Variants in CMTR1 observed in about 807,000 individuals in gnomAD.
CMTR1 encodes cap-specific mRNA (nucleoside-2'-O-)-methyltransferase 1.
In CMTR1, 39 loss-of-function variants were observed where a neutral mutation model predicts 107.0. The observed-to-expected ratio is 0.36, with a 90% CI of 0.28 to 0.48. CMTR1 has a LOEUF of 0.48. Ranked by LOEUF, CMTR1 falls within the 20% of genes least tolerant of loss-of-function variation. CMTR1 has a pLI of 0.99. For synonymous variants in CMTR1, 366 were observed against 379.5 expected (o/e 0.96, Z 0.41); for missense variants, 672 against 1,064.9 (o/e 0.63, Z 5.14).
chr6:37,471,812 G>C, intron 14 of CMTR1, 35 bp from the exon 15 acceptor site: 4 of 1,610,732 alleles, frequency 2.5e-6, no homozygotes, highest in Non-Finnish European at 3.4e-6. Context: ...GTGCCTCTTA[G>C]AGATTTTAAT....
intron 2 of CMTR1, among the ~76,000 whole-genome samples, chr6:37,438,242 T>C (rs1771584828): frequency 6.6e-6 from 1 of 152,164 alleles, no homozygotes; most frequent in South Asian, 2.1e-4. Context: ...TAGCTGGGCA[T>C]GGTGGCATGC....
intron 2 of CMTR1, 135 bp from the exon 3 acceptor site, chr6:37,443,864 T>C: frequency 1.1e-6 from 1 of 943,690 alleles, no homozygotes; most frequent in Non-Finnish European, 1.5e-6. Flanking sequence ...GAAAATAGAT[T>C]TGACCTTGGG....
In CMTR1 at chr6:37,458,626, G is replaced by A; in HGVS notation, c.792G>A (p.Lys264=). The A allele has an allele frequency of 1.2e-6, 2 of 1,613,420 alleles. No individual in the cohort carries two copies. The highest frequency in any genetic ancestry group is 2.2e-5 in the South Asian group (2 of 91,024). The part of the protein sequence containing the change: ...PRDSYGKPLV[K]DREAELLYFA... ...TGCCTTTGCAGAAGCCACTGGTGAA[G>A]GACCGGGAAGCTGAGCTTCTGTACT... The change falls in exon 9 of 24, where the codon AAG becomes AAA. Residue 264 remains lysine, a synonymous_variant. Transcript: ENST00000373451. This position sits in a 1 kb window ranked among gnomAD's most constrained non-coding sequence, Gnocchi z 4.7.
upstream of CMTR1, among the ~76,000 whole-genome samples, chr6:37,429,643 G>A (rs1395113664): frequency 6.6e-6 from 1 of 152,164 alleles, no homozygotes; most frequent in Non-Finnish European, 1.5e-5. Flanking sequence ...CTGACTGAAA[G>A]TTTACCTGCT....
At chr6:37,450,530 A>C (rs1040978309) in intron 5 of CMTR1, among the ~76,000 whole-genome samples, 187 bp downstream of exon 5, 4 of 152,166 alleles carry the variant, frequency 2.6e-5, no homozygotes, top group Admixed American at 1.3e-4. Flanking sequence ...TGGAGATATG[A>C]CAGGGTTTTT....
At position 37,434,042 on chromosome 6, in the gene CMTR1, G is replaced by C. The variant is rs560611973; in HGVS notation, c.-7+665G>C. ...CACTTAAGAATTAAAAGCTTTTAGC[G>C]CTTGCAATGGCTAGAAGCAAGCTCT... On this transcript the variant is annotated intron_variant, in intron 1 of 23. Coordinates refer to ENST00000373451, the MANE Select transcript of CMTR1 (RefSeq NM_015050.3). 6.8e-4 allele frequency among the ~76,000 whole-genome samples: 104 copies of C among 152,262 alleles called. 1 individual carries two copies. In the South Asian group the frequency reaches 0.016, roughly 24 times the overall value.
intron 1 of CMTR1, among the ~76,000 whole-genome samples, chr6:37,435,051 T>C (rs1196897352): frequency 6.6e-6 from 1 of 152,224 alleles, no homozygotes; most frequent in Non-Finnish European, 1.5e-5. Context: ...ATTTCACTGC[T>C]TCCATTCCCT....
the CMTR1 span, among the ~76,000 whole-genome samples, chr6:37,425,052 A>C: frequency 6.7e-6 from 1 of 149,176 alleles, no homozygotes; most frequent in East Asian, 2.0e-4. Flanking sequence ...AGGTTCAAGC[A>C]ATTCTCCTGC....
intron 22 of CMTR1, among the ~76,000 whole-genome samples, chr6:37,478,742 G>A (rs1281255533): frequency 6.6e-6 from 1 of 152,154 alleles, no homozygotes; most frequent in Non-Finnish European, 1.5e-5. Flanking sequence ...AGGGAGAGGA[G>A]CTCAACTTGT....
the CMTR1 span, among the ~76,000 whole-genome samples, chr6:37,427,679 C>T: frequency 6.6e-6 from 1 of 152,156 alleles, no homozygotes; most frequent in Non-Finnish European, 1.5e-5. The surrounding 1 kb of genome is among the most constrained non-coding windows in gnomAD (Gnocchi z 4.4). Flanking sequence ...TATTGCTTTT[C>T]CTTCATTCCT....
intron 13 of CMTR1, among the ~76,000 whole-genome samples, chr6:37,464,367 T>A (rs1181147842): frequency 6.6e-6 from 1 of 150,724 alleles, no homozygotes; most frequent in Non-Finnish European, 1.5e-5. Flanking sequence ...CTTGGGAGGC[T>A]GAGGCAGGAG....
intron 13 of CMTR1, among the ~76,000 whole-genome samples, chr6:37,463,645 G>A (rs748599783): frequency 6.6e-6 from 1 of 152,136 alleles, no homozygotes; most frequent in Non-Finnish European, 1.5e-5. Flanking sequence ...TGCTCTCTTA[G>A]GGGGCTAAAC....
At chr6:37,466,087 A>C (rs1372022522) in intron 13 of CMTR1, among the ~76,000 whole-genome samples, 1 of 126,194 alleles carries the variant, frequency 7.9e-6, no homozygotes, top group Non-Finnish European at 1.8e-5. Flanking sequence ...TCTTTCCTCT[A>C]TGTTTTTAAA....
chr6:37,480,000 C>G lies in CMTR1; in HGVS notation c.2376-13C>G. 6.4e-7 allele frequency: 1 copy of G among 1,566,240 alleles called. No homozygotes were observed. The highest frequency in any genetic ancestry group is 1.4e-5 in the African/African-American group (1 of 71,654). On this transcript the variant is annotated splice_polypyrimidine_tract_variant and intron_variant, in intron 23 of 23. Coordinates refer to ENST00000373451, the MANE Select transcript of CMTR1 (RefSeq NM_015050.3). ...TGCAGTCCTGACCTCTTTCCCATCCCTCTCCTCCCCAGCATTTGCTACTAT... is the reference window on the plus strand; with the variant it reads ...TGCAGTCCTGACCTCTTTCCCATCCGTCTCCTCCCCAGCATTTGCTACTAT...
At chr6:37,428,289 G>A (rs1427535782), upstream of CMTR1, among the ~76,000 whole-genome samples, 1 of 152,140 alleles carries the variant, frequency 6.6e-6, no homozygotes, top group East Asian at 1.9e-4. Flanking sequence ...TTAGGCAGAT[G>A]GTCCTTGCAG....
chr6:37,478,476 C>T lies in CMTR1; in HGVS notation c.2221C>T (p.Arg741Trp), dbSNP rs368120050. 26 of 1,613,910 alleles carry T rather than the reference C, an allele frequency of 1.6e-5. No homozygotes were observed. Among genetic ancestry groups the T allele is most frequent in the Non-Finnish European group, 2.1e-5 (25 of 1,179,998 alleles). The change falls in exon 22 of 24, where the codon CGG becomes TGG. Residue 741 changes from arginine to tryptophan, a missense_variant. Transcript: ENST00000373451. ...GCTCAGCTACACAGGGCGTGATGACCGGCACTTTGTACCCATGGGCCTCTA... is the reference window on the plus strand; with the variant it reads ...GCTCAGCTACACAGGGCGTGATGACTGGCACTTTGTACCCATGGGCCTCTA... ...PKLSYTGRDD[R>W]HFVPMGLYIV...
At chr6:37,428,057 A>AGAGAGAGAGAGAGAGAGAGAGAGG in the CMTR1 span, among the ~76,000 whole-genome samples, 4 of 143,236 alleles carry the variant, frequency 2.8e-5, no homozygotes, top group Admixed American at 7.0e-5. Flanking sequence ...AGAGAGAGAG[A>AGAGAGAGAGAGAGAGAGAGAGAGG]GAGAAACTCT....
chr6:37,459,759 T>C (rs1409922052), intron 10 of CMTR1, 75 bp downstream of exon 10: 8 of 1,061,400 alleles, frequency 7.5e-6, no homozygotes, highest in Non-Finnish European at 1.2e-5. Context: ...GTTTGTTTTA[T>C]CTGGTTCTTT....
chr6:37,444,122 T>C lies in CMTR1; in HGVS notation c.257T>C (p.Met86Thr). 3 of 1,614,204 alleles carry C rather than the reference T, an allele frequency of 1.9e-6. No homozygotes were observed. The highest frequency in any genetic ancestry group is 2.5e-6 in the Non-Finnish European group (3 of 1,180,020). The change falls in exon 3 of 24, where the codon ATG (methionine) becomes ACG (threonine). Residue 86 changes from methionine (M) to threonine (T), a missense_variant. Met to Thr is a moderately conservative substitution (Grantham distance 81, BLOSUM62 -1). Coordinates refer to ENST00000373451, the MANE Select transcript of CMTR1 (RefSeq NM_015050.3). ...LVEGTSSRYS[M>T]YNSVSQKLMA... The stretch of plus-strand genomic sequence containing the variant: ...GAAGGAACTTCTTCTCGCTATTCCA[T>C]GTATAATAGCGTCTCCCAGAAGCTT...
Sources: allele counts gnomAD v4.1 joint callset (sites outside exome capture counted in the v4.1 genomes callset), GRCh38; gene constraint gnomAD v4.1.1; non-coding constraint Gnocchi (gnomAD v3.1); transcripts MANE v1.5; gene names NCBI Gene and HGNC (gene_info 2026-07-23, HGNC 2026-07-21).